The following TNKS variants were observed in gnomAD, a reference collection of about 807,000 sequenced individuals.
The protein encoded by TNKS is poly [ADP-ribose] polymerase tankyrase-1.
Under a neutral mutation model 135.8 loss-of-function variants are expected in TNKS, and 72 were observed. That is an observed-to-expected ratio of 0.53 (90% CI 0.44 to 0.64). The LOEUF is 0.64. Among genes scored for constraint, TNKS ranks in the 30% least tolerant of loss-of-function variants. The probability of loss-of-function intolerance (pLI) is 0.00; values close to 1 mark genes in which losing one functional copy is unlikely to be tolerated. For missense variants in TNKS, 1,769 were observed against 1,674.0 expected (o/e 1.06, Z -0.99); for synonymous variants, 849 against 649.3 (o/e 1.31, Z -4.68).
chr8:9,736,349 C>CT (rs71537882), intron 17 of TNKS, among the ~76,000 whole-genome samples: 13,024 of 96,600 alleles, frequency 0.13, 873 homozygotes, highest in East Asian at 0.28. Context: ...GAGACCTCAT[C>CT]TAAAAAAAAA....
At chr8:9,631,909 G>A (rs1701602655) in intron 3 of TNKS, among the ~76,000 whole-genome samples, 1 of 152,122 alleles carries the variant, frequency 6.6e-6, no homozygotes, top group Non-Finnish European at 1.5e-5. Flanking sequence ...ACCGTATGGG[G>A]AAAGAGGAGA....
intron 8 of TNKS, 78 bp from the exon 9 acceptor site, chr8:9,708,291 TCC>T (rs1804149309): frequency 8.4e-7 from 1 of 1,195,564 alleles, no homozygotes; most frequent in Admixed American, 2.7e-5. Flanking sequence ...ATAATAATAT[TCC>T]TACTTATTTA....
chr8:9,658,782 A>G (rs926844371), intron 3 of TNKS, among the ~76,000 whole-genome samples: 12 of 152,256 alleles, frequency 7.9e-5, no homozygotes, highest in African/African-American at 2.9e-4. Flanking sequence ...TAAAAGACAC[A>G]GACTGGCAAA....
chr8:9,699,415 A>G (rs1803689105), intron 5 of TNKS, among the ~76,000 whole-genome samples: 2 of 152,164 alleles, frequency 1.3e-5, no homozygotes, highest in Non-Finnish European at 2.9e-5. Context: ...CAAAGTTTGA[A>G]AAACCTCAGG....
At chr8:9,692,028 C>T (rs1803299613) in intron 5 of TNKS, among the ~76,000 whole-genome samples, 1 of 152,260 alleles carries the variant, frequency 6.6e-6, no homozygotes, top group East Asian at 1.9e-4. Flanking sequence ...CTTGTTCCTC[C>T]TGTCCCTTCC....
At chr8:9,660,488 A>G (rs768635373) in intron 3 of TNKS, among the ~76,000 whole-genome samples, 10 of 152,224 alleles carry the variant, frequency 6.6e-5, no homozygotes, top group Non-Finnish European at 1.5e-4. Flanking sequence ...GACAAAAACC[A>G]CATGATTATC....
chr8:9,648,162 C>G (rs1276529588), intron 3 of TNKS, among the ~76,000 whole-genome samples: 1 of 152,160 alleles, frequency 6.6e-6, no homozygotes, highest in African/African-American at 2.4e-5. Context: ...CATTATTGTA[C>G]ACTACTATAG....
intron 3 of TNKS, among the ~76,000 whole-genome samples, chr8:9,639,991 G>A (rs1020351801): frequency 6.6e-6 from 1 of 152,090 alleles, no homozygotes; most frequent in Non-Finnish European, 1.5e-5. Context: ...AAGCATCGTG[G>A]GCTGCTATAA....
chr8:9,680,824 TC>T, intron 5 of TNKS, 24 bp downstream of exon 5: 1 of 1,591,958 alleles, frequency 6.3e-7, no homozygotes, highest in Non-Finnish European at 8.6e-7. Context: ...AATACAATCC[TC>T]TTTAATTGCA....
At chr8:9,564,846 C>T (rs12543534) in intron 1 of TNKS, among the ~76,000 whole-genome samples, 37,427 of 151,964 alleles carry the variant, frequency 0.25, 4,796 homozygotes, top group East Asian at 0.4. Flanking sequence ...CCTTACGGGG[C>T]TTAATAAAAC....
chr8:9,682,014 C>T (rs766291584), intron 5 of TNKS, among the ~76,000 whole-genome samples: 2 of 152,076 alleles, frequency 1.3e-5, no homozygotes, highest in Non-Finnish European at 2.9e-5. Context: ...ATTTACTCAG[C>T]ACTATTAGTT....
chr8:9,629,833 C>T (rs1238001623), intron 3 of TNKS, among the ~76,000 whole-genome samples: 2 of 152,194 alleles, frequency 1.3e-5, no homozygotes, highest in Non-Finnish European at 2.9e-5. Context: ...CAGGCACCCA[C>T]CACCATGCCT....
At chr8:9,592,939 C>G (rs7018268) in intron 2 of TNKS, among the ~76,000 whole-genome samples, 13,074 of 152,146 alleles carry the variant, frequency 0.086, 624 homozygotes, top group South Asian at 0.17. Flanking sequence ...AGATTATCTT[C>G]CATTTGTCAA....
rs912467051 is a variant in TNKS at position 9,597,892 on chromosome 8, A to G, written c.898+17509A>G. On this transcript the variant is annotated intron_variant, in intron 2 of 26. Coordinates refer to ENST00000310430, the MANE Select transcript of TNKS (RefSeq NM_003747.3). The stretch of plus-strand genomic sequence containing the variant: ...GTGAAATATGTGATTCAATACTATC[A>G]TTCAGAACAATTGATAATAGGATAA... 5.3e-5 allele frequency among the ~76,000 whole-genome samples: 8 copies of G among 152,216 alleles called. No individual in the cohort carries two copies. In the South Asian group the frequency reaches 1.7e-3, roughly 32 times the overall value.
At chr8:9,758,282 A>G (rs1399238253) in intron 20 of TNKS, among the ~76,000 whole-genome samples, 3 of 152,146 alleles carry the variant, frequency 2.0e-5, no homozygotes, top group African/African-American at 4.8e-5. Context: ...ATGTATATTT[A>G]TATTCAGTTG....
chr8:9,572,696 C>T (rs1440265374), intron 1 of TNKS, among the ~76,000 whole-genome samples: 1 of 152,130 alleles, frequency 6.6e-6, no homozygotes, highest in Non-Finnish European at 1.5e-5. Flanking sequence ...GTGCTATATA[C>T]CCCTCTATAA....
intron 3 of TNKS, among the ~76,000 whole-genome samples, chr8:9,645,726 G>C (rs546231336): frequency 2.0e-5 from 3 of 152,138 alleles, no homozygotes; most frequent in Non-Finnish European, 4.4e-5. Context: ...CATAAGTTGA[G>C]GATCCTCTGT....
At chr8:9,694,990 T>C (rs1803446387) in intron 5 of TNKS, among the ~76,000 whole-genome samples, 1 of 152,184 alleles carries the variant, frequency 6.6e-6, no homozygotes, top group Non-Finnish European at 1.5e-5. Context: ...CCCAGCATTA[T>C]CAGAGCAAGG....
At chr8:9,621,998 A>T (rs1221890071) in intron 3 of TNKS, among the ~76,000 whole-genome samples, 1 of 152,184 alleles carries the variant, frequency 6.6e-6, no homozygotes, top group Non-Finnish European at 1.5e-5. Flanking sequence ...AATATATGTT[A>T]AAAAGTTAAT....
Sources: allele counts gnomAD v4.1 joint callset (sites outside exome capture counted in the v4.1 genomes callset), GRCh38; gene constraint gnomAD v4.1.1; transcripts MANE v1.5; gene names NCBI Gene and HGNC (gene_info 2026-07-23, HGNC 2026-07-21).